The following ARID1B variants were observed in gnomAD, a reference collection of about 807,000 sequenced individuals.
ARID1B encodes AT-rich interaction domain 1B, also known as AT-rich interactive domain-containing protein 1B.
In ARID1B, 30 loss-of-function variants were observed where a neutral mutation model predicts 212.3. The observed-to-expected ratio is 0.14, with a 90% CI of 0.11 to 0.19. ARID1B has a LOEUF of 0.19. Among genes scored for constraint, ARID1B ranks in the 10% least tolerant of loss-of-function variants. The pLI is 1.00. For missense variants in ARID1B, 2,891 were observed against 3,204.0 expected (o/e 0.90, Z 2.36); for synonymous variants, 1,402 against 1,301.7 (o/e 1.08, Z -1.66).
rs769290771 is a variant in ARID1B, at chr6:156,945,004, C to G, written c.2247+9428C>G. On this transcript the variant is annotated intron_variant, in intron 4 of 19. Transcript: ENST00000636930. ...GTGGCTCGATCTCGGCTCACTGCAA[C>G]CTCTGCCTCCCAGGTTCCTGCCATT... 2.0e-3 allele frequency among the ~76,000 whole-genome samples: 296 copies of G among 149,932 alleles called. 1 individual carries two copies. The highest frequency in any genetic ancestry group is 3.2e-3 in the South Asian group (15 of 4,734).
At position 156,848,486 on chromosome 6, in the gene ARID1B, A is replaced by G. The variant is rs141685773; in HGVS notation, c.1986+19065A>G. ...CGTGCACTTCCAAAATGAAGTATCT[A>G]CCCACTTTTATCAGCTTTCCCAAAT... On this transcript the variant is annotated intron_variant, in intron 2 of 19. Coordinates refer to ENST00000636930, the MANE Select transcript of ARID1B (RefSeq NM_001374828.1). 2.0e-3 allele frequency among the ~76,000 whole-genome samples: 306 copies of G among 152,338 alleles called. 2 individuals carry two copies. The highest frequency in any genetic ancestry group is 7.1e-3 in the African/African-American group (297 of 41,572).
At chr6:157,162,118 C>G (rs1790986625) in intron 8 of ARID1B, among the ~76,000 whole-genome samples, 1 of 152,188 alleles carries the variant, frequency 6.6e-6, no homozygotes, top group Non-Finnish European at 1.5e-5. Context: ...TAAAGATAAC[C>G]ACACACTTCA....
intron 2 of ARID1B, among the ~76,000 whole-genome samples, chr6:156,879,754 TAA>T (rs1786887528): frequency 6.6e-6 from 1 of 152,300 alleles, no homozygotes; most frequent in South Asian, 2.1e-4. Context: ...TGCTGGGAGT[TAA>T]GATATAAACA....
intron 9 of ARID1B, chr6:157,172,847 T>A (rs976206446): frequency 2.0e-5 from 3 of 152,232 alleles, no homozygotes; most frequent in African/African-American, 7.2e-5. Flanking sequence ...GTGTCCCGCC[T>A]TGGTTGAGCC....
chr6:156,919,639 T>C (rs1232707443), intron 3 of ARID1B, among the ~76,000 whole-genome samples: 2 of 152,194 alleles, frequency 1.3e-5, no homozygotes, highest in East Asian at 1.9e-4. Flanking sequence ...CTGTCTACCA[T>C]GGAGGCAGGA....
chr6:156,820,010 G>A (rs534120692), intron 1 of ARID1B, among the ~76,000 whole-genome samples: 6 of 152,166 alleles, frequency 3.9e-5, no homozygotes, highest in Non-Finnish European at 8.8e-5. Flanking sequence ...GGAAGGGTCA[G>A]GATGTGTCCT....
chr6:156,778,802 C>A lies in ARID1B; in HGVS notation c.1122C>A (p.Pro374=), dbSNP rs754413384. Residue 374 remains proline (P), a synonymous_variant, in exon 1 of 20, where the codon CCC becomes CCA. Transcript: ENST00000636930. ...TGCAGAACTCCCACGAAGGGTACCCCAACAGCCAGTGCAACCATTATCCGG... is the reference window on the plus strand; with the variant it reads ...TGCAGAACTCCCACGAAGGGTACCCAAACAGCCAGTGCAACCATTATCCGG... ...DPLQNSHEGY[P]NSQCNHYPGY... is the part of the protein sequence containing the mutation. 3.4e-5 allele frequency: 51 copies of A among 1,499,456 alleles called. No individual in the cohort carries two copies. The highest frequency in any genetic ancestry group is 4.3e-5 in the Non-Finnish European group (48 of 1,121,582). The allele number at this position is 1,499,456 out of a possible 1,614,324, so 92.9% of individuals were successfully genotyped here. A position where few individuals can be genotyped will look rare whatever the true frequency, so the allele number is the denominator to read the frequency against.
chr6:157,206,257 C>G lies in ARID1B; in HGVS notation c.5485C>G (p.Pro1829Ala), dbSNP rs1375206963. ...TCTTATGGAATATGAAGTGGGAGAC[C>G]CCAGCCAAAAAGCACTTGATCACAA... ...GILMEYEVGDPSQKALDHNAA... is the reference protein window; with the variant it reads ...GILMEYEVGDASQKALDHNAA... Residue 1829 changes from proline to alanine, a missense_variant, in exon 20 of 20, where the codon CCC becomes GCC. Transcript: ENST00000636930. This position sits in a 1 kb window ranked among gnomAD's most constrained non-coding sequence, Gnocchi z 6.8. The G allele has an allele frequency of 1.2e-6, 2 of 1,613,890 alleles. No individual in the cohort carries two copies. Among genetic ancestry groups the G allele is most frequent in the African/African-American group, 1.3e-5 (1 of 74,838 alleles).
rs1782168297 is a variant in ARID1B at position 157,045,444 on chromosome 6, A to G, written c.2248-39218A>G. ...GCTGCATTAACTCTGGTTCTTCTCT[A>G]CTCTTTGCGTCTTCTTAGCGGGACC... On this transcript the variant is annotated intron_variant, in intron 4 of 19. Transcript: ENST00000636930. 2.6e-5 allele frequency among the ~76,000 whole-genome samples: 4 copies of G among 152,090 alleles called. No homozygotes were observed. In the South Asian group the frequency reaches 8.3e-4, roughly 32 times the overall value.
Position 157,148,857 on chromosome 6 carries a change from C to T in ARID1B, c.2995C>T (p.Pro999Ser), listed in dbSNP as rs2128634701. ...SSPGMSQQGG[P>S]GMGPPMPTVN... ...TCCTGGCATGTCTCAGCAGGGAGGG[C>T]CAGGAATGGGGCCGCCAATGCCAAC... is the stretch of plus-strand genomic sequence containing the variant. Residue 999 changes from proline to serine, a missense_variant, in exon 8 of 20, where the codon CCA becomes TCA. Coordinates refer to ENST00000636930, the MANE Select transcript of ARID1B (RefSeq NM_001374828.1). The surrounding 1 kb of genome is among the most constrained non-coding windows in gnomAD (Gnocchi z 5.6). 2 of 1,612,952 alleles carry T rather than the reference C, an allele frequency of 1.2e-6. No homozygotes were observed. Among genetic ancestry groups the T allele is most frequent in the Non-Finnish European group, 1.7e-6 (2 of 1,179,986 alleles).
chr6:156,886,708 C>G (rs1471939816), intron 2 of ARID1B, among the ~76,000 whole-genome samples: 3 of 152,196 alleles, frequency 2.0e-5, no homozygotes, highest in Admixed American at 2.0e-4. Context: ...AGTGGCCATT[C>G]AAAGTCTTTT....
At chr6:157,157,185 A>T (rs2128661551) in intron 8 of ARID1B, among the ~76,000 whole-genome samples, 1 of 151,868 alleles carries the variant, frequency 6.6e-6, no homozygotes, top group African/African-American at 2.4e-5. Context: ...GCTCACCGTG[A>T]CTCGCGCACC....
At chr6:156,969,892 C>CTTTTTT (rs201337033) in intron 4 of ARID1B, among the ~76,000 whole-genome samples, 1 of 134,512 alleles carries the variant, frequency 7.4e-6, no homozygotes, top group Non-Finnish European at 1.6e-5. Flanking sequence ...TTATATAATG[C>CTTTTTT]TTTTTTTTTT....
At chr6:156,944,335 T>C (rs1357384189) in intron 4 of ARID1B, among the ~76,000 whole-genome samples, 1 of 152,158 alleles carries the variant, frequency 6.6e-6, no homozygotes, top group African/African-American at 2.4e-5. Flanking sequence ...TGGGGTTGCC[T>C]TACTGAGTAT....
At chr6:156,808,342 G>A (rs557791972) in intron 1 of ARID1B, among the ~76,000 whole-genome samples, 2 of 152,048 alleles carry the variant, frequency 1.3e-5, no homozygotes, top group African/African-American at 2.4e-5. Context: ...TCTTTTTTTG[G>A]TATGGTACTC....
intron 4 of ARID1B, among the ~76,000 whole-genome samples, chr6:157,058,691 C>G (rs1783132659): frequency 6.6e-6 from 1 of 152,212 alleles, no homozygotes; most frequent in African/African-American, 2.4e-5. Context: ...GCTTGAGGCT[C>G]ACAGCGTCTT....
Position 156,779,172 on chromosome 6 carries a change from G to A in ARID1B, c.1492G>A (p.Ala498Thr), listed in dbSNP as rs767247521. 2 of 1,323,470 alleles carry A rather than the reference G, an allele frequency of 1.5e-6. No individual in the cohort carries two copies. The highest frequency in any genetic ancestry group is 1.5e-5 in the African/African-American group (1 of 64,626). The allele number at this position is 1,323,470 out of a possible 1,614,324, so 82.0% of individuals were successfully genotyped here. The change falls in exon 1 of 20, where the codon GCC becomes ACC. Residue 498 changes from alanine (A) to threonine (T), a missense_variant. Physicochemically the swap from Ala to Thr is moderately conservative, Grantham distance 58. Coordinates refer to ENST00000636930, the MANE Select transcript of ARID1B (RefSeq NM_001374828.1). ...CGGCCAGAACCAGCACCCGTCGGGG[G>A]CCACCCCGACCCTCAATCAGCTGCT... ...FAGQNQHPSGATPTLNQLLTS... is the reference protein window; with the variant it reads ...FAGQNQHPSGTTPTLNQLLTS...
At chr6:156,893,440 C>G (rs913522261) in intron 2 of ARID1B, among the ~76,000 whole-genome samples, 2 of 152,032 alleles carry the variant, frequency 1.3e-5, no homozygotes, top group African/African-American at 4.8e-5. Context: ...AATTGGAGTA[C>G]GTCAAAGTTT....
At chr6:157,070,741 G>T (rs1359750364) in intron 4 of ARID1B, among the ~76,000 whole-genome samples, 1 of 152,118 alleles carries the variant, frequency 6.6e-6, no homozygotes, top group African/African-American at 2.4e-5. Context: ...GCTAGATTAG[G>T]AACAGTTTTA....
Sources: gnomAD v4.1 joint callset for allele counts (sites outside exome capture counted in the v4.1 genomes callset) on GRCh38, gnomAD v4.1.1 for gene constraint, Gnocchi (gnomAD v3.1) non-coding constraint, MANE v1.5 for transcripts, NCBI Gene and HGNC (gene_info 2026-07-23, HGNC 2026-07-21) for gene names.